TNR: variants seen among roughly 807,000 people sequenced by gnomAD.
The protein encoded by TNR is tenascin R, also known as tenascin-R.
Under a neutral mutation model 150.4 loss-of-function variants are expected in TNR, and 45 were observed. That is an observed-to-expected ratio of 0.30 (90% CI 0.24 to 0.38). TNR has a LOEUF of 0.38. Among genes scored for constraint, TNR ranks in the 10% least tolerant of loss-of-function variants. The pLI is 1.00. For missense variants in TNR, 1,544 were observed against 1,759.1 expected (o/e 0.88, Z 2.19); for synonymous variants, 687 against 678.4 (o/e 1.01, Z -0.20).
chr1:175,599,443 A>C lies in TNR; in HGVS notation c.-164-71074T>G, dbSNP rs1663143415. Among the ~76,000 whole-genome samples, 1 of 152,208 alleles carries C rather than the reference A, an allele frequency of 6.6e-6. No individual in the cohort carries two copies. The highest frequency in any genetic ancestry group is 1.5e-5 in the Non-Finnish European group (1 of 68,036). ...CATGGCGACGGAAGCAGACCATTAG[A>C]GCATTACGAGGAAATGAGAAGACTT... On this transcript the variant is annotated intron_variant, in intron 1 of 22. Transcript: ENST00000367674. The surrounding 1 kb of genome is among the most constrained non-coding windows in gnomAD (Gnocchi z 4.7).
chr1:175,565,368 G>T (rs1661600665), intron 1 of TNR, among the ~76,000 whole-genome samples: 1 of 152,202 alleles, frequency 6.6e-6, no homozygotes, highest in Non-Finnish European at 1.5e-5. Flanking sequence ...GGTGGAGGAT[G>T]AAAACAATAG....
intron 1 of TNR, among the ~76,000 whole-genome samples, chr1:175,647,004 A>G (rs1199086135): frequency 6.6e-6 from 1 of 152,224 alleles, no homozygotes; most frequent in African/African-American, 2.4e-5. Flanking sequence ...TGCCCTCGGC[A>G]GGCAGGATGG....
intron 2 of TNR, among the ~76,000 whole-genome samples, chr1:175,506,607 C>T (rs574688895): frequency 1.2e-3 from 183 of 152,276 alleles, no homozygotes; most frequent in Non-Finnish European, 2.4e-3. Context: ...GTGAGAAGAC[C>T]CCCTTTGCAA....
At chr1:175,610,817 C>T (rs755998912) in intron 1 of TNR, among the ~76,000 whole-genome samples, 4 of 152,208 alleles carry the variant, frequency 2.6e-5, no homozygotes, top group Non-Finnish European at 4.4e-5. Flanking sequence ...TAGACCATGC[C>T]CTCTAACTTC....
intron 1 of TNR, among the ~76,000 whole-genome samples, chr1:175,695,058 T>A (rs1281915822): frequency 6.6e-6 from 1 of 152,244 alleles, no homozygotes; most frequent in Non-Finnish European, 1.5e-5. Flanking sequence ...GTGGAGCTGA[T>A]TCTTCTCCCC....
chr1:175,380,172 G>A (rs1451315915), intron 8 of TNR, among the ~76,000 whole-genome samples: 1 of 152,186 alleles, frequency 6.6e-6, no homozygotes, highest in Non-Finnish European at 1.5e-5. Flanking sequence ...GAAGTGTAAG[G>A]TGCCTTCCTC....
At chr1:175,504,348 A>T (rs951710521) in intron 2 of TNR, among the ~76,000 whole-genome samples, 4 of 152,064 alleles carry the variant, frequency 2.6e-5, no homozygotes, top group African/African-American at 7.2e-5. Flanking sequence ...ATAGATGTGG[A>T]CACTGAGGCT....
chr1:175,631,014 T>C lies in TNR; in HGVS notation c.-164-102645A>G, dbSNP rs74442139. Among the ~76,000 whole-genome samples, 645 of 152,318 alleles carry C rather than the reference T, an allele frequency of 4.2e-3. 2 individuals are homozygous for C. Among genetic ancestry groups the C allele is most frequent in the Admixed American group, 8.8e-3 (135 of 15,300 alleles). ...TCACAAAAAATAAAAAGACTGGTAC[T>C]ACCCAGGACTGGGAAGGATGTGGGT... On this transcript the variant is annotated intron_variant, in intron 1 of 22. Coordinates refer to ENST00000367674, the MANE Select transcript of TNR (RefSeq NM_003285.3).
intron 2 of TNR, among the ~76,000 whole-genome samples, chr1:175,411,369 TG>T (rs1388825076): frequency 1.3e-5 from 2 of 152,174 alleles, no homozygotes; most frequent in African/African-American, 2.4e-5. Context: ...TTGGTCTTAG[TG>T]GGTTTTGAGG....
In TNR at chr1:175,403,517, G is replaced by C. The variant is rs1178257247; in HGVS notation, c.599C>G (p.Ser200Trp). The C allele has an allele frequency of 6.2e-7, 1 of 1,614,180 alleles. No homozygotes were observed. Among genetic ancestry groups the C allele is most frequent in the Non-Finnish European group, 8.5e-7 (1 of 1,180,036 alleles). ...CNEGWFGKNCSEPYCPLGCSS... is the reference protein window; with the variant it reads ...CNEGWFGKNCWEPYCPLGCSS... ...GCAACCCAGCGGGCAGTAGGGCTCC[G>C]AGCAATTCTTGCCAAACCAGCCTTC... The change falls in exon 4 of 23, where the codon TCG (serine) becomes TGG (tryptophan). Residue 200 changes from serine (S) to tryptophan (W), a missense_variant. Ser to Trp is a radical substitution (Grantham distance 177). Coordinates refer to ENST00000367674, the MANE Select transcript of TNR (RefSeq NM_003285.3).
intron 1 of TNR, among the ~76,000 whole-genome samples, chr1:175,668,821 A>C (rs1665606284): frequency 6.6e-6 from 1 of 152,244 alleles, no homozygotes; most frequent in East Asian, 1.9e-4. Flanking sequence ...ATGAGTTCAC[A>C]CAGACGGCAA....
At chr1:175,377,467 T>C (rs1304671597) in intron 9 of TNR, among the ~76,000 whole-genome samples, 1 of 151,788 alleles carries the variant, frequency 6.6e-6, no homozygotes, top group Non-Finnish European at 1.5e-5. Context: ...GGGTTTTTTT[T>C]TTTTTTTTTT....
chr1:175,406,797 A>G lies in TNR; in HGVS notation c.-63-20T>C. On this transcript the variant is annotated intron_variant, in intron 2 of 22. Coordinates refer to ENST00000367674, the MANE Select transcript of TNR (RefSeq NM_003285.3). ...GGGAATCTGCAACGGAAACCAAGGA[A>G]AGAGACAACCTCTGAGACCTATGCC... is the stretch of plus-strand genomic sequence containing the variant. 1 of 1,545,708 alleles carries G rather than the reference A, an allele frequency of 6.5e-7. No homozygotes were observed. Among genetic ancestry groups the G allele is most frequent in the South Asian group, 1.3e-5 (1 of 79,602 alleles).
At chr1:175,601,622 G>T (rs571576106) in intron 1 of TNR, among the ~76,000 whole-genome samples, 3 of 152,140 alleles carry the variant, frequency 2.0e-5, no homozygotes, top group African/African-American at 7.2e-5. Flanking sequence ...TTATGAAAAC[G>T]CTATATACAG....
intron 2 of TNR, among the ~76,000 whole-genome samples, chr1:175,469,519 C>G (rs1299201587): frequency 6.6e-6 from 1 of 151,836 alleles, no homozygotes; most frequent in Non-Finnish European, 1.5e-5. Context: ...AAGCAGGGGA[C>G]TGAGGTTGGC....
At position 175,403,392 on chromosome 1, in the gene TNR, G is replaced by A. The variant is rs928200927; in HGVS notation, c.724C>T (p.Arg242Trp). The A allele has an allele frequency of 6.2e-6, 10 of 1,614,046 alleles. No individual in the cohort carries two copies. Among genetic ancestry groups the A allele is most frequent in the Admixed American group, 1.7e-5 (1 of 60,012 alleles). ...CACTCCCCGTCCACGCAGAGCCCCC[G>A]GGAGCTGCAGTCTGTTGGGCACCGG... ...ELRCPTDCSS[R>W]GLCVDGECVC... is the part of the protein sequence containing the mutation. Residue 242 changes from arginine (R) to tryptophan (W), a missense_variant, in exon 4 of 23, where the codon CGG becomes TGG. Transcript: ENST00000367674.
intron 1 of TNR, among the ~76,000 whole-genome samples, chr1:175,651,400 A>C (rs1265741656): frequency 6.6e-6 from 1 of 152,126 alleles, no homozygotes; most frequent in East Asian, 1.9e-4. Context: ...TGTCAGATCC[A>C]CAGAGAAGCA....
intron 2 of TNR, among the ~76,000 whole-genome samples, chr1:175,483,387 G>A (rs1469612408): frequency 2.6e-5 from 4 of 152,160 alleles, no homozygotes; most frequent in Non-Finnish European, 5.9e-5. Context: ...TATATCAAAG[G>A]CACTGTAAGA....
At chr1:175,359,503 A>G in intron 15 of TNR, 109 bp downstream of exon 15, 1 of 1,567,368 alleles carries the variant, frequency 6.4e-7, no homozygotes, top group Non-Finnish European at 8.7e-7. Flanking sequence ...AACTTTTCTA[A>G]TCTGTCCTTC....
Sources: allele counts gnomAD v4.1 joint callset (sites outside exome capture counted in the v4.1 genomes callset), GRCh38; gene constraint gnomAD v4.1.1; non-coding constraint Gnocchi (gnomAD v3.1); transcripts MANE v1.5; gene names NCBI Gene and HGNC (gene_info 2026-07-23, HGNC 2026-07-21).